MECR: variants seen among roughly 807,000 people sequenced by gnomAD.
MECR encodes enoyl-[acyl-carrier-protein] reductase, mitochondrial.
Under a neutral mutation model 49.1 loss-of-function variants are expected in MECR, and 37 were observed. The observed-to-expected ratio is 0.75, with a 90% CI of 0.58 to 0.99. MECR has a LOEUF of 0.99. Among genes scored for constraint, MECR ranks in the 50% least tolerant of loss-of-function variants. The pLI, the probability that MECR is intolerant of heterozygous loss-of-function variation, is 0.00. For synonymous variants in MECR, 198 were observed against 191.1 expected (o/e 1.04, Z -0.30); for missense variants, 470 against 479.6 (o/e 0.98, Z 0.19).
In MECR at chr1:29,201,302, A is replaced by C. The variant is rs1307185085; in HGVS notation, c.756+641T>G. 2 of 487,986 alleles carry C rather than the reference A, an allele frequency of 4.1e-6. No individual in the cohort carries two copies. Among genetic ancestry groups the C allele is most frequent in the Non-Finnish European group, 8.2e-6 (2 of 242,582 alleles). The allele number at this position is 487,986 out of a possible 1,614,324, so 30.2% of individuals were successfully genotyped here. The stretch of plus-strand genomic sequence containing the variant: ...CTTCAGAAATGTTCGCAAGAAGCGC[A>C]TGCTCTTGAGTGTGTGTCTTTGGTT... On this transcript the variant is annotated intron_variant, in intron 6 of 9. Coordinates refer to ENST00000263702, the MANE Select transcript of MECR (RefSeq NM_016011.5). This position sits in a 1 kb window ranked among gnomAD's most constrained non-coding sequence, Gnocchi z 4.3.
rs571240424 is a variant in MECR at position 29,193,237 on chromosome 1, G to A, written c.*785C>T. 2.5e-4 allele frequency: 46 copies of A among 186,382 alleles called. No individual in the cohort carries two copies. Among genetic ancestry groups the A allele is most frequent in the African/African-American group, 1.1e-3 (44 of 41,678 alleles). 11.5% of individuals were successfully genotyped at this position (186,382 alleles called of 1,614,324 possible). A position where few individuals can be genotyped will look rare whatever the true frequency, so the allele number is the denominator to read the frequency against. On this transcript the variant is annotated 3_prime_UTR_variant, in exon 10 of 10. Transcript: ENST00000263702. ...TGGGATTACAGGTGTGAGCCACCGCGCCAGGCCTTGGGTAATTCTTTGTTG... is the reference window on the plus strand; with the variant it reads ...TGGGATTACAGGTGTGAGCCACCGCACCAGGCCTTGGGTAATTCTTTGTTG...
At chr1:29,223,235 G>A (rs908794570) in intron 1 of MECR, 2 of 985,368 alleles carry the variant, frequency 2.0e-6, no homozygotes, top group Non-Finnish European at 1.2e-6. Flanking sequence ...GGTCACAATG[G>A]CTCCTTTGAG....
chr1:29,190,644 A>T (rs546090210), downstream of MECR, among the ~76,000 whole-genome samples: 1 of 151,262 alleles, frequency 6.6e-6, no homozygotes, highest in East Asian at 2.0e-4. Context: ...AAATAACAAA[A>T]ACTAGCTGGG....
At chr1:29,172,863 C>G in the MECR span, 1 of 149,364 alleles carries the variant, frequency 6.7e-6, no homozygotes, top group Non-Finnish European at 1.5e-5. Flanking sequence ...ATTAGGAGAC[C>G]AAAAAAAAGG....
chr1:29,192,101 A>C (rs1439121346), downstream of MECR, among the ~76,000 whole-genome samples: 3 of 152,156 alleles, frequency 2.0e-5, no homozygotes, highest in East Asian at 1.9e-4. Context: ...AAAAAAAAAA[A>C]CAAACATTCC....
chr1:29,217,007 G>A (rs1400156273), intron 1 of MECR, among the ~76,000 whole-genome samples: 2 of 151,254 alleles, frequency 1.3e-5, no homozygotes. Flanking sequence ...GGTGGTCGGC[G>A]CCTGTAATCC....
chr1:29,216,455 CTGCAG>C, intron 2 of MECR, 128 bp downstream of exon 2: 3 of 961,080 alleles, frequency 3.1e-6, no homozygotes, highest in Non-Finnish European at 4.9e-6. Flanking sequence ...CTGACACAGC[CTGCAG>C]ACGGCTCATC....
chr1:29,223,790 A>G (rs1317488187), intron 1 of MECR: 1 of 152,148 alleles, frequency 6.6e-6, no homozygotes, highest in South Asian at 2.1e-4. Context: ...CAACTAGGCA[A>G]TTGTGAAGGA....
At position 29,201,160 on chromosome 1, in the gene MECR, T is replaced by C. The variant is rs182284341; in HGVS notation, c.757-571A>G. On this transcript the variant is annotated intron_variant, in intron 6 of 9. Coordinates refer to ENST00000263702, the MANE Select transcript of MECR (RefSeq NM_016011.5). The surrounding 1 kb of genome is among the most constrained non-coding windows in gnomAD (Gnocchi z 4.3). The stretch of plus-strand genomic sequence containing the variant: ...ATTTTAGGACCTGGCAGAACTCATC[T>C]TCTCTGGGAAAGAATAGGCAAAGGG... Among the ~76,000 whole-genome samples the C allele has an allele frequency of 1.3e-5, 2 of 152,358 alleles. No individual in the cohort carries two copies. The highest frequency in any genetic ancestry group is 2.9e-5 in the Non-Finnish European group (2 of 68,042).
At chr1:29,174,253 C>T in the MECR span, among the ~76,000 whole-genome samples, 5 of 150,784 alleles carry the variant, frequency 3.3e-5, no homozygotes, top group South Asian at 2.1e-4. Flanking sequence ...CAGGTGGAAA[C>T]GTAAATATTA....
chr1:29,217,733 T>C (rs1679841089), intron 1 of MECR, among the ~76,000 whole-genome samples: 1 of 152,202 alleles, frequency 6.6e-6, no homozygotes. Context: ...CTAGCTGACA[T>C]GTCCTCCACA....
rs1452118924 is a variant in MECR, at chr1:29,230,639, C to T, written c.176+92G>A. On this transcript the variant is annotated intron_variant, in intron 1 of 9. Coordinates refer to ENST00000263702, the MANE Select transcript of MECR (RefSeq NM_016011.5). ...GTTTGCTATTCTCTGCCCCCTTCCT[C>T]GGACCCTGTCCCTCTCTTCCCAGTC... 7 of 1,469,492 alleles carry T rather than the reference C, an allele frequency of 4.8e-6. No homozygotes were observed. The Admixed American group carries it at 1.7e-4, about 37-fold the overall frequency. 91.0% of individuals were successfully genotyped at this position (1,469,492 alleles called of 1,614,324 possible).
intron 1 of MECR, among the ~76,000 whole-genome samples, chr1:29,225,847 T>G (rs1681904401): frequency 6.6e-6 from 1 of 152,138 alleles, no homozygotes; most frequent in South Asian, 2.1e-4. Context: ...CCCCACTACC[T>G]GCTCCTCCAA....
downstream of MECR, among the ~76,000 whole-genome samples, chr1:29,192,600 G>C (rs373100871): frequency 4.9e-4 from 74 of 152,298 alleles, no homozygotes; most frequent in South Asian, 0.015. Flanking sequence ...AATACGTCCT[G>C]AATGAGGCTC....
At chr1:29,227,599 C>G (rs1682419961) in intron 1 of MECR, among the ~76,000 whole-genome samples, 1 of 152,126 alleles carries the variant, frequency 6.6e-6, no homozygotes, top group Non-Finnish European at 1.5e-5. Context: ...AAGGCTGTTC[C>G]TCATTCCTTC....
At chr1:29,211,170 G>A (rs1299978350) in intron 3 of MECR, among the ~76,000 whole-genome samples, 1 of 149,564 alleles carries the variant, frequency 6.7e-6, no homozygotes, top group Non-Finnish European at 1.5e-5. Flanking sequence ...TCTGCTTCCT[G>A]GTCTCGAGCT....
At chr1:29,189,942 T>G (rs1673089515), downstream of MECR, among the ~76,000 whole-genome samples, 2 of 152,368 alleles carry the variant, frequency 1.3e-5, no homozygotes, top group East Asian at 1.9e-4. Flanking sequence ...GAATTTGTAT[T>G]ACTTAGGATT....
At chr1:29,218,181 A>C (rs996634962) in intron 1 of MECR, among the ~76,000 whole-genome samples, 3 of 152,244 alleles carry the variant, frequency 2.0e-5, no homozygotes, top group Non-Finnish European at 4.4e-5. Flanking sequence ...AAAACCTGCA[A>C]GAAGGCTTTT....
At chr1:29,182,014 G>A in the MECR span, 1 of 328,570 alleles carries the variant, frequency 3.0e-6, no homozygotes, top group Non-Finnish European at 5.4e-6. Flanking sequence ...GCTTGCCCGG[G>A]GGCGCGCCGA....
Sources: allele counts gnomAD v4.1 joint callset (sites outside exome capture counted in the v4.1 genomes callset), GRCh38; gene constraint gnomAD v4.1.1; non-coding constraint Gnocchi (gnomAD v3.1); transcripts MANE v1.5; gene names NCBI Gene and HGNC (gene_info 2026-07-23, HGNC 2026-07-21).